Variants in TSPAN13 observed in about 807,000 individuals in gnomAD.
The protein encoded by TSPAN13 is tetraspanin-13.
A neutral mutation model predicts 26.9 loss-of-function variants in TSPAN13; 18 were observed. That is an observed-to-expected ratio of 0.67 (90% confidence interval 0.46 to 0.99). The LOEUF is 0.99. Ranked by LOEUF, TSPAN13 falls within the 50% of genes least tolerant of loss-of-function variation. The pLI, the probability that TSPAN13 is intolerant of heterozygous loss-of-function variation, is 0.00. For synonymous variants in TSPAN13, 116 were observed against 98.4 expected (o/e 1.18, Z -1.06); for missense variants, 201 against 249.6 (o/e 0.81, Z 1.31).
chr7:16,767,719 A>G (rs920515990), intron 1 of TSPAN13, among the ~76,000 whole-genome samples: 2 of 152,156 alleles, frequency 1.3e-5, no homozygotes, highest in Non-Finnish European at 2.9e-5. Context: ...AGTTTTTGCC[A>G]GTCTAGTGCA....
Position 16,783,684 on chromosome 7 carries a change from A to C in TSPAN13, c.*193A>C. ...TTTCCGTTGCTGAAAAATATTTGAA[A>C]CTTGTGGTCTCTGAAGCTCGGTGGC... On this transcript the variant is annotated 3_prime_UTR_variant, in exon 6 of 6. Transcript: ENST00000262067. 1 of 590,364 alleles carries C rather than the reference A, an allele frequency of 1.7e-6. No homozygotes were observed. Among genetic ancestry groups the C allele is most frequent in the Non-Finnish European group, 2.9e-6 (1 of 343,162 alleles). 36.6% of individuals were successfully genotyped at this position (590,364 alleles called of 1,614,324 possible).
At chr7:16,781,715 G>A (rs1784815108) in intron 5 of TSPAN13, among the ~76,000 whole-genome samples, 1 of 152,118 alleles carries the variant, frequency 6.6e-6, no homozygotes, top group Admixed American at 6.5e-5. Flanking sequence ...TATATCCAGG[G>A]GTGATAGTCA....
Position 16,783,757 on chromosome 7 carries a change from T to C in TSPAN13, c.*266T>C. The C allele has an allele frequency of 2.2e-6, 1 of 460,602 alleles. No individual in the cohort carries two copies. Among genetic ancestry groups the C allele is most frequent in the Non-Finnish European group, 3.9e-6 (1 of 255,048 alleles). The allele number at this position is 460,602 out of a possible 1,614,324, so 28.5% of individuals were successfully genotyped here. On this transcript the variant is annotated 3_prime_UTR_variant, in exon 6 of 6. Transcript: ENST00000262067. ...TGTCGGGCACTGTCCACTGTGGCCT[T>C]TCTTAGCATTTTTACCTGCAGAAAA... is the stretch of plus-strand genomic sequence containing the variant.
chr7:16,773,458 G>A (rs1784705669), intron 1 of TSPAN13, among the ~76,000 whole-genome samples: 2 of 152,068 alleles, frequency 1.3e-5, no homozygotes, highest in South Asian at 4.2e-4. Context: ...TTTACATATT[G>A]TCTGTCACTG....
chr7:16,767,943 G>A (rs62441050), intron 1 of TSPAN13, among the ~76,000 whole-genome samples: 48,918 of 151,562 alleles, frequency 0.32, 8,794 homozygotes, highest in Non-Finnish European at 0.4. Context: ...ATGGAGTATC[G>A]CTCTTGTTGC....
At chr7:16,778,864 T>TAA (rs1238506019) in intron 4 of TSPAN13, 139 bp from the exon 5 acceptor site, 23 of 602,092 alleles carry the variant, frequency 3.8e-5, no homozygotes. Context: ...GGGGCTGTGT[T>TAA]AGAGATTTGC....
In TSPAN13 at chr7:16,784,029, T is replaced by A. The variant is rs1352056133; in HGVS notation, c.*538T>A. ...TATAAAAATGATAATTTACTTGTAG[T>A]CTTTTATGATTACACCAATGTATTC... On this transcript the variant is annotated 3_prime_UTR_variant, in exon 6 of 6. Coordinates refer to ENST00000262067, the MANE Select transcript of TSPAN13 (RefSeq NM_014399.4). 1 of 152,936 alleles carries A rather than the reference T, an allele frequency of 6.5e-6. No individual in the cohort carries two copies. Among genetic ancestry groups the A allele is most frequent in the Non-Finnish European group, 1.5e-5 (1 of 68,252 alleles). 9.5% of individuals were successfully genotyped at this position (152,936 alleles called of 1,614,324 possible).
At chr7:16,774,169 AGC>A (rs1784713165) in intron 1 of TSPAN13, among the ~76,000 whole-genome samples, 1 of 152,234 alleles carries the variant, frequency 6.6e-6, no homozygotes. Flanking sequence ...CCTGCTGGCC[AGC>A]TCTACAAATT....
intron 1 of TSPAN13, among the ~76,000 whole-genome samples, chr7:16,771,256 T>C (rs1169665539): frequency 6.6e-6 from 1 of 152,244 alleles, no homozygotes. Flanking sequence ...TACAGTCTTT[T>C]CAGTGTTTTA....
At chr7:16,778,228 G>C (rs548698943) in intron 4 of TSPAN13, among the ~76,000 whole-genome samples, 1 of 152,228 alleles carries the variant, frequency 6.6e-6, no homozygotes, top group African/African-American at 2.4e-5. Flanking sequence ...TCATATTTTG[G>C]GGAAACTCCT....
chr7:16,767,013 A>G (rs1251166626), intron 1 of TSPAN13, among the ~76,000 whole-genome samples: 1 of 152,102 alleles, frequency 6.6e-6, no homozygotes, highest in Non-Finnish European at 1.5e-5. Context: ...TGCAGTCACA[A>G]CGCACTGCAG....
At chr7:16,772,538 CT>C (rs892469221) in intron 1 of TSPAN13, among the ~76,000 whole-genome samples, 4 of 152,074 alleles carry the variant, frequency 2.6e-5, no homozygotes, top group African/African-American at 9.6e-5. Context: ...GTCTCTGCCT[CT>C]TTTTTTTATG....
At chr7:16,763,434 C>A (rs770949471) in intron 1 of TSPAN13, among the ~76,000 whole-genome samples, 16 of 152,264 alleles carry the variant, frequency 1.1e-4, no homozygotes, top group Admixed American at 3.9e-4. Context: ...AGTGGGACAT[C>A]CAGTAGTTGG....
At chr7:16,767,578 G>A (rs1784620737) in intron 1 of TSPAN13, among the ~76,000 whole-genome samples, 2 of 152,138 alleles carry the variant, frequency 1.3e-5, no homozygotes, top group South Asian at 4.1e-4. Context: ...AAACAGAATT[G>A]CTGGGGTAGT....
chr7:16,769,226 C>A (rs1784646886), intron 1 of TSPAN13, among the ~76,000 whole-genome samples: 1 of 151,682 alleles, frequency 6.6e-6, no homozygotes, highest in South Asian at 2.1e-4. Context: ...GAAATATATC[C>A]AAAATATGTA....
intron 1 of TSPAN13, among the ~76,000 whole-genome samples, chr7:16,770,500 G>A (rs748571160): frequency 1.8e-4 from 28 of 152,172 alleles, no homozygotes; most frequent in Admixed American, 3.3e-4. Context: ...GTGAGCCACC[G>A]CGCCCAGCCC....
chr7:16,754,473 G>C lies in TSPAN13; in HGVS notation c.63+443G>C, dbSNP rs114792029. Among the ~76,000 whole-genome samples, 795 of 152,336 alleles carry C rather than the reference G, an allele frequency of 5.2e-3. 6 individuals carry two copies. The highest frequency in any genetic ancestry group is 0.018 in the African/African-American group (748 of 41,578). ...AATGGCGTGGCCTGAAACTGACGAG[G>C]CGGCATATGGCTGGTGTGCCTCTGG... On this transcript the variant is annotated intron_variant, in intron 1 of 5. Coordinates refer to ENST00000262067, the MANE Select transcript of TSPAN13 (RefSeq NM_014399.4).
chr7:16,755,727 T>C (rs980938557), intron 1 of TSPAN13, among the ~76,000 whole-genome samples: 2 of 152,070 alleles, frequency 1.3e-5, no homozygotes, highest in East Asian at 1.9e-4. Flanking sequence ...CACTGAAGGG[T>C]CTATATCAAT....
At chr7:16,773,209 A>G (rs1784701425) in intron 1 of TSPAN13, among the ~76,000 whole-genome samples, 1 of 150,842 alleles carries the variant, frequency 6.6e-6, no homozygotes, top group South Asian at 2.1e-4. Context: ...TCCTATTGTA[A>G]TTTTTCATTC....
Sources: gnomAD v4.1 joint callset for allele counts (sites outside exome capture counted in the v4.1 genomes callset) on GRCh38, gnomAD v4.1.1 for gene constraint, MANE v1.5 for transcripts, NCBI Gene and HGNC (gene_info 2026-07-23, HGNC 2026-07-21) for gene names.